ATP8A1: variants seen among roughly 807,000 people sequenced by gnomAD.
ATP8A1 encodes ATPase phospholipid transporting 8A1.
Under a neutral mutation model 177.7 loss-of-function variants are expected in ATP8A1, and 90 were observed. The observed-to-expected ratio is 0.51, with a 90% CI of 0.43 to 0.60. The LOEUF (loss-of-function observed/expected upper bound fraction) is 0.60. ATP8A1 is among the 20% of genes least tolerant of loss of function. The pLI is 0.00. For missense variants in ATP8A1, 1,072 were observed against 1,392.8 expected, an observed-to-expected ratio of 0.77 and a Z score of 3.67; for synonymous variants, 493 against 485.9, an observed-to-expected ratio of 1.01 and a Z score of -0.19.
rs1577872739 is a variant in ATP8A1 at position 42,408,426 on chromosome 4, T to C, written c.*4490A>G. 6.6e-6 allele frequency: 1 copy of C among 152,200 alleles called. No individual in the cohort carries two copies. The highest frequency in any genetic ancestry group is 1.9e-4 in the East Asian group (1 of 5,202). The allele number at this position is 152,200 out of a possible 1,614,324, so 9.4% of individuals were successfully genotyped here. On this transcript the variant is annotated 3_prime_UTR_variant, in exon 37 of 37. Transcript: ENST00000381668. ...TTTTAATAACAATTAGAGGACAAAA[T>C]GTTTAAAATTTGCAGTTTAAAACAT...
chr4:42,524,292 T>C (rs1726451676), intron 21 of ATP8A1, among the ~76,000 whole-genome samples: 1 of 152,214 alleles, frequency 6.6e-6, no homozygotes, highest in Non-Finnish European at 1.5e-5. Context: ...TCTTGAGTTG[T>C]AATAAATTGA....
rs112688621 is a variant in ATP8A1 at position 42,601,316 on chromosome 4, G to A, written c.410-798C>T. Among the ~76,000 whole-genome samples, 817 of 151,228 alleles carry A rather than the reference G, an allele frequency of 5.4e-3. 12 individuals are homozygous for A. Among genetic ancestry groups the A allele is most frequent in the African/African-American group, 0.018 (761 of 41,260 alleles). On this transcript the variant is annotated intron_variant, in intron 5 of 36. Coordinates refer to ENST00000381668, the MANE Select transcript of ATP8A1 (RefSeq NM_006095.2). ...CTCCCAAAGTGCTTGGATTACAGGC[G>A]TGAGCCACCGCGCCTGGCCCTAAAA... is the stretch of plus-strand genomic sequence containing the variant.
chr4:42,500,688 CG>C (rs1009433842), intron 24 of ATP8A1, among the ~76,000 whole-genome samples: 1 of 152,070 alleles, frequency 6.6e-6, no homozygotes, highest in African/African-American at 2.4e-5. Flanking sequence ...ACATTCTAGC[CG>C]GGGCTGCTGC....
chr4:42,654,489 TCG>T (rs1244541378), intron 1 of ATP8A1, among the ~76,000 whole-genome samples: 1 of 152,204 alleles, frequency 6.6e-6, no homozygotes, highest in African/African-American at 2.4e-5. Context: ...CTCCAAGGTC[TCG>T]CCACCCTCTC....
intron 35 of ATP8A1, among the ~76,000 whole-genome samples, chr4:42,418,380 C>T (rs756409190): frequency 2.0e-5 from 3 of 152,084 alleles, no homozygotes; most frequent in Non-Finnish European, 4.4e-5. Flanking sequence ...AAATGCACTG[C>T]TTCACACATA....
rs1341220992 is a variant in ATP8A1 at position 42,625,921 on chromosome 4, T to G, written c.165-208A>C. On this transcript the variant is annotated intron_variant, in intron 2 of 36. Transcript: ENST00000381668. ...TAAAGCATGAATACCACAGATTTTT[T>G]TTTTTTTGCATAATCTTTTGTCCTA... 2.4e-5 allele frequency: 9 copies of G among 370,624 alleles called. No homozygotes were observed. The Admixed American group carries it at 3.8e-4, about 16-fold the overall frequency. The allele number at this position is 370,624 out of a possible 1,614,324, so 23.0% of individuals were successfully genotyped here.
intron 22 of ATP8A1, among the ~76,000 whole-genome samples, chr4:42,509,922 C>T (rs1418042406): frequency 6.6e-6 from 1 of 151,820 alleles, no homozygotes; most frequent in African/African-American, 2.4e-5. Flanking sequence ...TAAAATTTCC[C>T]CTCTGCTGTT....
intron 1 of ATP8A1, among the ~76,000 whole-genome samples, chr4:42,636,119 T>TACACACAC (rs544619447): frequency 5.4e-4 from 43 of 79,088 alleles, no homozygotes; most frequent in African/African-American, 1.9e-3. Flanking sequence ...ATGGGCTTAA[T>TACACACAC]ACACACACAC....
intron 33 of ATP8A1, among the ~76,000 whole-genome samples, chr4:42,429,082 G>T (rs1714959908): frequency 6.6e-6 from 1 of 152,162 alleles, no homozygotes; most frequent in African/African-American, 2.4e-5. Context: ...TAGAAACTAT[G>T]AAAAACAGAG....
At chr4:42,587,306 TTTTC>T (rs1219422260) in intron 8 of ATP8A1, among the ~76,000 whole-genome samples, 1 of 150,066 alleles carries the variant, frequency 6.7e-6, no homozygotes, top group Non-Finnish European at 1.5e-5. Flanking sequence ...GCTTCTTTTC[TTTTC>T]TTTTTTTTTT....
intron 20 of ATP8A1, among the ~76,000 whole-genome samples, chr4:42,540,389 A>G (rs140901678): frequency 2.6e-5 from 4 of 152,292 alleles, no homozygotes; most frequent in Admixed American, 1.3e-4. Flanking sequence ...CAAAGAAACT[A>G]GAATTACCAT....
intron 30 of ATP8A1, among the ~76,000 whole-genome samples, chr4:42,449,217 A>G (rs898435930): frequency 6.6e-6 from 1 of 152,216 alleles, no homozygotes; most frequent in Non-Finnish European, 1.5e-5. Flanking sequence ...ATTCCTTGAG[A>G]CAATCACTGC....
At chr4:42,484,051 T>C (rs766933995) in intron 25 of ATP8A1, among the ~76,000 whole-genome samples, 27 of 152,356 alleles carry the variant, frequency 1.8e-4, no homozygotes, top group Non-Finnish European at 3.5e-4. Flanking sequence ...TGTTGATCCT[T>C]ATGATCCCAT....
chr4:42,475,969 G>A (rs1182630991), intron 25 of ATP8A1, among the ~76,000 whole-genome samples: 1 of 152,078 alleles, frequency 6.6e-6, no homozygotes, highest in Non-Finnish European at 1.5e-5. Flanking sequence ...AACCCGGGGA[G>A]GCAGAGGTTG....
At chr4:42,509,248 G>A (rs1489249782) in intron 22 of ATP8A1, among the ~76,000 whole-genome samples, 1 of 152,136 alleles carries the variant, frequency 6.6e-6, no homozygotes, top group Non-Finnish European at 1.5e-5. Context: ...TCTCTTACAT[G>A]AAAAGCAAAG....
chr4:42,579,970 T>C lies in ATP8A1; in HGVS notation c.843A>G (p.Thr281=), dbSNP rs1732864526. The C allele has an allele frequency of 6.3e-7, 1 of 1,597,164 alleles. No individual in the cohort carries two copies. Among genetic ancestry groups the C allele is most frequent in the African/African-American group, 1.4e-5 (1 of 74,054 alleles). ...CATTTGAGAGCTTAAGTGGTGGACT[T>C]GTTGAATTCTGTAAAAAGAAACAAG... The part of the protein sequence containing the change: ...GHDTKLMQNS[T]SPPLKLSNVE... The change falls in exon 11 of 37, where the codon ACA becomes ACG. Residue 281 remains threonine (T), a synonymous_variant. Transcript: ENST00000381668.
chr4:42,474,185 A>G (rs1427959730), intron 25 of ATP8A1, among the ~76,000 whole-genome samples: 2 of 152,210 alleles, frequency 1.3e-5, no homozygotes, highest in Non-Finnish European at 2.9e-5. Context: ...ATCAACTACA[A>G]ATTCAAGAGA....
At chr4:42,510,120 A>ACT (rs1257773180) in intron 22 of ATP8A1, among the ~76,000 whole-genome samples, 1 of 152,208 alleles carries the variant, frequency 6.6e-6, no homozygotes, top group Non-Finnish European at 1.5e-5. Context: ...TTACAAAAAT[A>ACT]CTGCTGCAAT....
chr4:42,595,788 TAG>T (rs564427678), intron 6 of ATP8A1, among the ~76,000 whole-genome samples: 248 of 152,350 alleles, frequency 1.6e-3, no homozygotes, highest in South Asian at 2.7e-3. Context: ...ACTATCGTGT[TAG>T]AGTCTAACAG....
Sources: gnomAD v4.1 joint callset for allele counts (sites outside exome capture counted in the v4.1 genomes callset) on GRCh38, gnomAD v4.1.1 for gene constraint, MANE v1.5 for transcripts, NCBI Gene and HGNC (gene_info 2026-07-23, HGNC 2026-07-21) for gene names.